The following CNIH3 variants were observed in gnomAD, a reference collection of about 807,000 sequenced individuals.
CNIH3 encodes cornichon family AMPA receptor auxiliary protein 3, also known as protein cornichon homolog 3.
Under a neutral mutation model 24.1 loss-of-function variants are expected in CNIH3, and 14 were observed. That is an observed-to-expected ratio of 0.58 (90% CI 0.38 to 0.91). The LOEUF is 0.91. Among genes scored for constraint, CNIH3 ranks in the 40% least tolerant of loss-of-function variants. CNIH3 has a pLI of 0.00. For missense variants in CNIH3, 178 were observed against 196.8 expected (o/e 0.90, Z 0.57); for synonymous variants, 68 against 73.8 (o/e 0.92, Z 0.40).
At chr1:224,706,021 C>A (rs1687788744) in intron 3 of CNIH3, among the ~76,000 whole-genome samples, 1 of 152,056 alleles carries the variant, frequency 6.6e-6, no homozygotes, top group Non-Finnish European at 1.5e-5. Context: ...TACTAGGCAG[C>A]ACTGCATTTT....
intron 4 of CNIH3, among the ~76,000 whole-genome samples, chr1:224,732,694 T>A (rs74545352): frequency 0.094 from 14,303 of 152,112 alleles, 777 homozygotes; most frequent in East Asian, 0.16. Context: ...TAGGGGGCTG[T>A]CAAGGCAGGG....
intron 3 of CNIH3, among the ~76,000 whole-genome samples, chr1:224,700,791 G>T (rs1182591223): frequency 6.6e-6 from 1 of 152,156 alleles, no homozygotes; most frequent in Admixed American, 6.5e-5. Flanking sequence ...GACCTAGATG[G>T]TTGGCTCAAC....
At chr1:224,640,288 G>C (rs999912509) in intron 1 of CNIH3, among the ~76,000 whole-genome samples, 2 of 152,166 alleles carry the variant, frequency 1.3e-5, no homozygotes, top group African/African-American at 4.8e-5. Flanking sequence ...TCTCTGAGCG[G>C]CACTTTTCTC....
chr1:224,738,649 C>G (rs1161654586), intron 5 of CNIH3, among the ~76,000 whole-genome samples: 1 of 152,132 alleles, frequency 6.6e-6, no homozygotes, highest in Non-Finnish European at 1.5e-5. Flanking sequence ...CAGATCATTC[C>G]TCAGCCTTGC....
intron 1 of CNIH3, among the ~76,000 whole-genome samples, chr1:224,621,060 G>A (rs575196313): frequency 3.3e-5 from 5 of 152,266 alleles, no homozygotes; most frequent in African/African-American, 4.8e-5. Context: ...CTGAATTTCA[G>A]GTCTTTAGCT....
intron 3 of CNIH3, among the ~76,000 whole-genome samples, chr1:224,555,474 A>C (rs1680097782): frequency 6.6e-6 from 1 of 152,210 alleles, no homozygotes; most frequent in Non-Finnish European, 1.5e-5. Context: ...TGCTATATTA[A>C]ATGTAACTTT....
chr1:224,512,977 C>G (rs1056121051), upstream of CNIH3, among the ~76,000 whole-genome samples: 28 of 152,316 alleles, frequency 1.8e-4, no homozygotes, highest in Middle Eastern at 3.4e-3. Flanking sequence ...TGCAACGTGG[C>G]AATTATTAGC....
At chr1:224,697,587 A>G (rs1687243549) in intron 3 of CNIH3, among the ~76,000 whole-genome samples, 1 of 152,170 alleles carries the variant, frequency 6.6e-6, no homozygotes, top group Non-Finnish European at 1.5e-5. Flanking sequence ...GACTCATTGC[A>G]AGTCATCCAC....
intron 3 of CNIH3, among the ~76,000 whole-genome samples, chr1:224,598,861 A>G (rs906780517): frequency 1.3e-5 from 2 of 152,222 alleles, no homozygotes; most frequent in Admixed American, 1.3e-4. Flanking sequence ...GCCCTGGGAA[A>G]CCAAAAAATT....
At position 224,472,504 on chromosome 1, in the gene CNIH3, G is replaced by A. The variant is rs1676413434; in HGVS notation, n.203+37642G>A. 2.0e-5 allele frequency among the ~76,000 whole-genome samples: 3 copies of A among 152,290 alleles called. No individual in the cohort carries two copies. In the South Asian group the frequency reaches 6.2e-4, roughly 32 times the overall value. On this transcript the variant is annotated intron_variant and non_coding_transcript_variant, in intron 1 of 5. Coordinates refer to the CNIH3 transcript ENST00000471578. ...ATTCGCAGCAACCTGGATGGAATTG[G>A]AAATTATTATTCTAAGTGAAGTAAC...
At chr1:224,489,444 G>A (rs1677157534) in intron 1 of CNIH3, among the ~76,000 whole-genome samples, 1 of 151,696 alleles carries the variant, frequency 6.6e-6, no homozygotes, top group Admixed American at 6.6e-5. Context: ...CTGACTTTTA[G>A]CTGCCCTGCA....
chr1:224,613,235 A>G (rs1245480529), upstream of CNIH3, among the ~76,000 whole-genome samples: 2 of 152,142 alleles, frequency 1.3e-5, no homozygotes, highest in African/African-American at 4.8e-5. Flanking sequence ...TCCTGACCTC[A>G]AGTGATCCAC....
chr1:224,668,921 G>C (rs561734422), intron 1 of CNIH3, among the ~76,000 whole-genome samples: 1 of 151,732 alleles, frequency 6.6e-6, no homozygotes, highest in Admixed American at 6.6e-5. Context: ...CTGGTGGAGC[G>C]GGGGGATTCT....
chr1:224,505,017 C>CCTCT (rs1677840486), intron 1 of CNIH3, among the ~76,000 whole-genome samples: 1 of 105,384 alleles, frequency 9.5e-6, no homozygotes, highest in South Asian at 4.0e-4. Context: ...TCCCTCCCTC[C>CCTCT]CTCCCTCCCT....
intron 1 of CNIH3, among the ~76,000 whole-genome samples, chr1:224,472,417 C>T (rs954072020): frequency 1.3e-5 from 2 of 152,008 alleles, no homozygotes; most frequent in African/African-American, 4.8e-5. Context: ...ATAAAGAAAA[C>T]ATGGTATATA....
intron 1 of CNIH3, among the ~76,000 whole-genome samples, chr1:224,519,242 C>T (rs13376231): frequency 0.025 from 3,780 of 152,290 alleles, 160 homozygotes; most frequent in African/African-American, 0.086. Flanking sequence ...GCCTCACAGT[C>T]ATGGCAGAAG....
At chr1:224,715,596 G>C (rs971686767) in intron 3 of CNIH3, among the ~76,000 whole-genome samples, 1 of 152,188 alleles carries the variant, frequency 6.6e-6, no homozygotes, top group Non-Finnish European at 1.5e-5. Flanking sequence ...TGGTTCATCT[G>C]ACCGAAAGGT....
intron 5 of CNIH3, chr1:224,587,094 C>T (rs138178267): frequency 1.3e-5 from 2 of 152,212 alleles, no homozygotes; most frequent in African/African-American, 4.8e-5. Context: ...CAGGACAGTG[C>T]TGGAGCTTTG....
Position 224,704,239 on chromosome 1 carries a change from C to G in CNIH3, c.198+19396C>G, listed in dbSNP as rs1034227672. Among the ~76,000 whole-genome samples, 3 of 152,168 alleles carry G rather than the reference C, an allele frequency of 2.0e-5. No individual in the cohort carries two copies. The highest frequency in any genetic ancestry group is 2.9e-5 in the Non-Finnish European group (2 of 68,028). On this transcript the variant is annotated intron_variant, in intron 3 of 5. Transcript: ENST00000272133. The surrounding 1 kb of genome is among the most constrained non-coding windows in gnomAD (Gnocchi z 4.2). ...AAGAGGAGTGGAGACACAGCCCCTT[C>G]TCTCCTAGAAGCAGAGGCACGGGAA...
Sources: gnomAD v4.1 joint callset for allele counts (sites outside exome capture counted in the v4.1 genomes callset) on GRCh38, gnomAD v4.1.1 for gene constraint, Gnocchi (gnomAD v3.1) non-coding constraint, MANE v1.5 for transcripts, NCBI Gene and HGNC (gene_info 2026-07-23, HGNC 2026-07-21) for gene names.